CNTNAP2: variants seen among roughly 807,000 people sequenced by gnomAD.
CNTNAP2 encodes the protein contactin-associated protein-like 2.
A neutral mutation model predicts 155.2 loss-of-function variants in CNTNAP2; 98 were observed. The observed-to-expected ratio is 0.63, with a 90% confidence interval of 0.54 to 0.75. CNTNAP2 has a LOEUF of 0.75. Ranked by LOEUF, CNTNAP2 falls within the 30% of genes least tolerant of loss-of-function variation. The probability of loss-of-function intolerance (pLI) is 0.00; values close to 1 mark genes in which losing one functional copy is unlikely to be tolerated. For missense variants in CNTNAP2, 1,727 were observed against 1,688.1 expected, an observed-to-expected ratio of 1.02 and a Z score of -0.40; for synonymous variants, 651 against 631.2, an observed-to-expected ratio of 1.03 and a Z score of -0.47.
chr7:146,308,474 C>T (rs1800759759), intron 1 of CNTNAP2, among the ~76,000 whole-genome samples: 2 of 152,152 alleles, frequency 1.3e-5, no homozygotes, highest in Admixed American at 1.3e-4. Context: ...CATCCCATTA[C>T]TGCGCATATA....
intron 8 of CNTNAP2, among the ~76,000 whole-genome samples, chr7:147,244,247 G>T (rs776239923): frequency 1.3e-3 from 201 of 152,256 alleles, no homozygotes; most frequent in Non-Finnish European, 2.2e-3. Context: ...GTGTGGAAGG[G>T]TTAAAGAAAA....
chr7:146,850,542 T>A (rs572255936), intron 3 of CNTNAP2, among the ~76,000 whole-genome samples: 24 of 152,254 alleles, frequency 1.6e-4, no homozygotes, highest in African/African-American at 5.8e-4. Flanking sequence ...AACTAATATG[T>A]GAGGATATAG....
intron 8 of CNTNAP2, among the ~76,000 whole-genome samples, chr7:147,196,381 C>T (rs555339700): frequency 6.6e-6 from 1 of 152,268 alleles, no homozygotes; most frequent in South Asian, 2.1e-4. Context: ...GCTGAATTTG[C>T]TAAAAGTAAA....
chr7:147,583,503 C>CACAT (rs1800552962), intron 12 of CNTNAP2, among the ~76,000 whole-genome samples: 1 of 129,166 alleles, frequency 7.7e-6, no homozygotes, highest in Non-Finnish European at 1.6e-5. Context: ...AAAGACATGA[C>CACAT]ATATATATAT....
rs1797563363 is a variant in CNTNAP2 at position 147,775,359 on chromosome 7, TTATAAATATATATATATTTATATATA to T, written c.2099-128204_2099-128179del. ...TATAAATATATATATTTATATATAT[TTATAAATATATATATATTTATATATA>T]TTTATAAATATATATATTTATATAT... is the stretch of plus-strand genomic sequence containing the variant. On this transcript the variant is annotated intron_variant, in intron 13 of 23. Coordinates refer to ENST00000361727, the MANE Select transcript of CNTNAP2 (RefSeq NM_014141.6). Among the ~76,000 whole-genome samples the T allele has an allele frequency of 6.8e-5, 3 of 44,326 alleles. No homozygotes were observed. The South Asian group carries it at 1.8e-3, about 27-fold the overall frequency. 29.1% of individuals were successfully genotyped at this position (44,326 alleles called of 152,430 possible).
At chr7:148,347,682 A>G (rs1288344034) in intron 21 of CNTNAP2, among the ~76,000 whole-genome samples, 1 of 152,388 alleles carries the variant, frequency 6.6e-6, no homozygotes, top group South Asian at 2.1e-4. Flanking sequence ...ATCAGAAATA[A>G]GAGCCATTCT....
At chr7:146,157,888 G>T (rs183922554) in intron 1 of CNTNAP2, among the ~76,000 whole-genome samples, 14 of 152,288 alleles carry the variant, frequency 9.2e-5, no homozygotes, top group African/African-American at 3.1e-4. Context: ...AGAGAGTAGT[G>T]GTTCTCCCAG....
chr7:146,624,493 C>T (rs562392957), intron 1 of CNTNAP2, among the ~76,000 whole-genome samples: 2 of 152,070 alleles, frequency 1.3e-5, no homozygotes, highest in South Asian at 4.1e-4. Flanking sequence ...AACATTTCAA[C>T]AAAGCAGAAA....
intron 1 of CNTNAP2, among the ~76,000 whole-genome samples, chr7:146,658,770 C>T (rs1211785324): frequency 6.6e-6 from 1 of 152,166 alleles, no homozygotes; most frequent in Non-Finnish European, 1.5e-5. Context: ...AAAACTGTCA[C>T]AATGCACAGT....
At chr7:148,216,127 T>C (rs1240741610) in intron 18 of CNTNAP2, among the ~76,000 whole-genome samples, 75 of 151,872 alleles carry the variant, frequency 4.9e-4, no homozygotes, top group Non-Finnish European at 1.2e-4. Flanking sequence ...TCACAGTGAG[T>C]CGGAGTGATT....
chr7:147,460,500 A>G (rs1446436146), intron 10 of CNTNAP2, among the ~76,000 whole-genome samples: 1 of 152,176 alleles, frequency 6.6e-6, no homozygotes. Flanking sequence ...AAAGCTGTTT[A>G]ATATATTTGG....
chr7:146,269,491 A>G (rs1225522585), intron 1 of CNTNAP2, among the ~76,000 whole-genome samples: 5 of 152,320 alleles, frequency 3.3e-5, no homozygotes, highest in Admixed American at 3.3e-4. Context: ...CCAAGTTACC[A>G]AATTAGATCT....
At chr7:147,013,328 A>T (rs1798660538) in intron 3 of CNTNAP2, among the ~76,000 whole-genome samples, 1 of 152,088 alleles carries the variant, frequency 6.6e-6, no homozygotes, top group South Asian at 2.1e-4. Flanking sequence ...GAAGTGAAGG[A>T]AATATTAAAA....
intron 3 of CNTNAP2, among the ~76,000 whole-genome samples, chr7:146,937,069 T>A (rs1796930765): frequency 6.6e-6 from 1 of 152,164 alleles, no homozygotes; most frequent in South Asian, 2.1e-4. Context: ...TACCCCAAAG[T>A]ATGTTCTCAC....
chr7:148,302,128 G>A (rs894827848), intron 21 of CNTNAP2, among the ~76,000 whole-genome samples: 9 of 152,290 alleles, frequency 5.9e-5, no homozygotes, highest in Admixed American at 5.2e-4. Context: ...GACAGGCCCC[G>A]AACCTGCCCT....
chr7:147,457,604 TGA>T (rs1797941640), intron 10 of CNTNAP2, among the ~76,000 whole-genome samples: 1 of 152,120 alleles, frequency 6.6e-6, no homozygotes. Flanking sequence ...TGTTGCATTC[TGA>T]GAGCCTGAAA....
intron 21 of CNTNAP2, among the ~76,000 whole-genome samples, chr7:148,306,749 T>C (rs13224514): frequency 6.6e-6 from 1 of 152,116 alleles, no homozygotes; most frequent in Admixed American, 6.6e-5. Context: ...CAAGTAGCTT[T>C]CTTTGGTTGG....
chr7:147,794,966 T>G (rs1180889248), intron 13 of CNTNAP2, among the ~76,000 whole-genome samples: 2 of 151,878 alleles, frequency 1.3e-5, no homozygotes, highest in Non-Finnish European at 2.9e-5. Context: ...GTAGTTTGAG[T>G]CTTTTCCATT....
Position 147,527,894 on chromosome 7 carries a change from A to G in CNTNAP2, c.1778-34244A>G, listed in dbSNP as rs116065096. ...AAGCCCAAGTGAAGGAGTGGAGATA[A>G]TAAGACAGGAGAGGGAGGAAAGCAA... is the stretch of plus-strand genomic sequence containing the variant. On this transcript the variant is annotated intron_variant, in intron 11 of 23. Coordinates refer to ENST00000361727, the MANE Select transcript of CNTNAP2 (RefSeq NM_014141.6). Among the ~76,000 whole-genome samples, 572 of 152,346 alleles carry G rather than the reference A, an allele frequency of 3.8e-3. 4 individuals are homozygous for G. The highest frequency in any genetic ancestry group is 0.013 in the African/African-American group (539 of 41,578).
Sources: gnomAD v4.1 joint callset for allele counts (sites outside exome capture counted in the v4.1 genomes callset) on GRCh38, gnomAD v4.1.1 for gene constraint, MANE v1.5 for transcripts, NCBI Gene and HGNC (gene_info 2026-07-23, HGNC 2026-07-21) for gene names.